Variants in ABTB3 observed in about 807,000 individuals in gnomAD.
ABTB3 encodes the protein ankyrin repeat and BTB domain containing 3, also known as ankyrin repeat- and BTB/POZ domain-containing protein 3.
At chr12:107,556,862 A>T in the ABTB3 span, among the ~76,000 whole-genome samples, 1 of 152,028 alleles carries the variant, frequency 6.6e-6, no homozygotes, top group Non-Finnish European at 1.5e-5. Flanking sequence ...AAATACAAAA[A>T]TTAGCTGGGC....
the ABTB3 span, among the ~76,000 whole-genome samples, chr12:107,545,633 T>C: frequency 2.6e-5 from 4 of 152,184 alleles, no homozygotes; most frequent in Non-Finnish European, 4.4e-5. Context: ...CTCATTAAAT[T>C]ACTCAGGTCT....
the ABTB3 span, among the ~76,000 whole-genome samples, chr12:107,454,342 A>C: frequency 6.6e-6 from 1 of 152,236 alleles, no homozygotes; most frequent in African/African-American, 2.4e-5. Flanking sequence ...TGGTGACAGC[A>C]AATCATTAAA....
the ABTB3 span, among the ~76,000 whole-genome samples, chr12:107,504,758 T>C: frequency 6.6e-6 from 1 of 152,334 alleles, no homozygotes; most frequent in East Asian, 1.9e-4. Context: ...ATCCTTGCTA[T>C]TACCTGGAAA....
the ABTB3 span, among the ~76,000 whole-genome samples, chr12:107,330,224 A>G: frequency 2.0e-5 from 3 of 152,208 alleles, no homozygotes; most frequent in Non-Finnish European, 4.4e-5. Flanking sequence ...TGCCAGATTA[A>G]GCAGGCTTTT....
chr12:107,518,057 T>A, the ABTB3 span, among the ~76,000 whole-genome samples: 2 of 152,156 alleles, frequency 1.3e-5, no homozygotes, highest in Non-Finnish European at 2.9e-5. Context: ...GAAACCACAG[T>A]GGGATACCAT....
At chr12:107,383,673 G>A in the ABTB3 span, among the ~76,000 whole-genome samples, 6 of 152,206 alleles carry the variant, frequency 3.9e-5, no homozygotes, top group Admixed American at 3.9e-4. Flanking sequence ...ATGGCTGCAG[G>A]ATTAATGAGA....
the ABTB3 span, among the ~76,000 whole-genome samples, chr12:107,599,201 A>C: frequency 6.6e-6 from 1 of 152,198 alleles, no homozygotes; most frequent in Admixed American, 6.5e-5. Flanking sequence ...AGCCTATATG[A>C]GTATTACACA....
the ABTB3 span, among the ~76,000 whole-genome samples, chr12:107,483,847 TG>T: frequency 4.6e-5 from 7 of 152,074 alleles, no homozygotes; most frequent in Non-Finnish European, 1.0e-4. Flanking sequence ...CCAGTATGCT[TG>T]GCTAATTTTT....
At chr12:107,330,875 T>G in the ABTB3 span, among the ~76,000 whole-genome samples, 265 of 152,358 alleles carry the variant, frequency 1.7e-3, 2 homozygotes, top group African/African-American at 5.8e-3. Flanking sequence ...GCTGAACCAC[T>G]GAAAGCAATT....
the ABTB3 span, among the ~76,000 whole-genome samples, chr12:107,544,612 A>G: frequency 1.3e-5 from 2 of 152,274 alleles, no homozygotes; most frequent in South Asian, 4.1e-4. Flanking sequence ...TTGAAGCCAA[A>G]TCCTCATGGG....
chr12:107,421,527 T>C, the ABTB3 span, among the ~76,000 whole-genome samples: 1 of 152,204 alleles, frequency 6.6e-6, no homozygotes, highest in Admixed American at 6.5e-5. Flanking sequence ...GCTCTTCTGC[T>C]AAGAGAAAAT....
At chr12:107,580,722 G>A in the ABTB3 span, 5 of 1,171,036 alleles carry the variant, frequency 4.3e-6, no homozygotes, top group Non-Finnish European at 1.2e-6. Flanking sequence ...CTTAGGCTTG[G>A]GTCCACAATC....
the ABTB3 span, among the ~76,000 whole-genome samples, chr12:107,560,856 TTTTG>T: frequency 6.6e-6 from 1 of 152,138 alleles, no homozygotes; most frequent in Non-Finnish European, 1.5e-5. Flanking sequence ...TCCAGGAGGT[TTTTG>T]TTTGTTTGGT....
chr12:107,415,189 T>C, the ABTB3 span, among the ~76,000 whole-genome samples: 2 of 152,156 alleles, frequency 1.3e-5, no homozygotes, highest in East Asian at 3.9e-4. Context: ...ATTTTCACTG[T>C]TGCCTCTTCA....
chr12:107,480,090 C>A, the ABTB3 span, among the ~76,000 whole-genome samples: 1 of 152,058 alleles, frequency 6.6e-6, no homozygotes, highest in African/African-American at 2.4e-5. Flanking sequence ...GGACTTTGAG[C>A]CAGGCCTTAA....
the ABTB3 span, among the ~76,000 whole-genome samples, chr12:107,449,993 T>G: frequency 6.6e-6 from 1 of 152,134 alleles, no homozygotes; most frequent in African/African-American, 2.4e-5. Context: ...GATAATGAGT[T>G]TAGCACAGTG....
At chr12:107,561,547 AT>A in the ABTB3 span, among the ~76,000 whole-genome samples, 1 of 152,202 alleles carries the variant, frequency 6.6e-6, no homozygotes, top group Non-Finnish European at 1.5e-5. Context: ...ACTTTATGCA[AT>A]TGGGACTGCC....
At chr12:107,338,309 A>C in the ABTB3 span, among the ~76,000 whole-genome samples, 5 of 152,204 alleles carry the variant, frequency 3.3e-5, no homozygotes, top group Non-Finnish European at 7.3e-5. Context: ...TTAATTCTTT[A>C]GACTTCCATA....
chr12:107,404,542 T>A, the ABTB3 span, among the ~76,000 whole-genome samples: 1 of 152,212 alleles, frequency 6.6e-6, no homozygotes, highest in Non-Finnish European at 1.5e-5. Flanking sequence ...TGCCCAAGAC[T>A]GCCTTTGAAA....
Sources: gnomAD v4.1 joint callset for allele counts (sites outside exome capture counted in the v4.1 genomes callset) on GRCh38, gnomAD v4.1.1 for gene constraint, MANE v1.5 for transcripts, NCBI Gene and HGNC (gene_info 2026-07-23, HGNC 2026-07-21) for gene names.